Variants in CCBE1 observed in about 807,000 individuals in gnomAD.
CCBE1 encodes the protein collagen and calcium-binding EGF domain-containing protein 1.
Under a neutral mutation model 50.0 loss-of-function variants are expected in CCBE1, and 37 were observed. That is an observed-to-expected ratio of 0.74 (90% confidence interval 0.57 to 0.97). CCBE1 has a LOEUF of 0.97. Among genes scored for constraint, CCBE1 ranks in the 50% least tolerant of loss-of-function variants. The probability of loss-of-function intolerance (pLI) is 0.00; values close to 1 mark genes in which losing one functional copy is unlikely to be tolerated. For synonymous variants in CCBE1, 234 were observed against 203.7 expected, an observed-to-expected ratio of 1.15 and a Z score of -1.27; for missense variants, 538 against 523.8, an observed-to-expected ratio of 1.03 and a Z score of -0.26.
intron 7 of CCBE1, among the ~76,000 whole-genome samples, chr18:59,443,194 G>T (rs1443247365): frequency 2.0e-5 from 3 of 152,330 alleles, no homozygotes; most frequent in East Asian, 3.9e-4. Context: ...AACACAGAGA[G>T]TTGTAAACAG....
chr18:59,594,730 C>A (rs1296994032), intron 2 of CCBE1, among the ~76,000 whole-genome samples: 1 of 152,130 alleles, frequency 6.6e-6, no homozygotes, highest in East Asian at 1.9e-4. Context: ...AACAGTACAT[C>A]TTTAACCCGA....
At chr18:59,576,394 G>C (rs1451956679) in intron 2 of CCBE1, among the ~76,000 whole-genome samples, 10 of 152,178 alleles carry the variant, frequency 6.6e-5, no homozygotes, top group Non-Finnish European at 1.5e-4. Flanking sequence ...TTTTAAAGTA[G>C]CTCATTACAC....
At chr18:59,472,298 C>T (rs1311035843) in intron 3 of CCBE1, among the ~76,000 whole-genome samples, 1 of 152,312 alleles carries the variant, frequency 6.6e-6, no homozygotes, top group East Asian at 1.9e-4. Context: ...GCAGTTGTTA[C>T]CTCAATGATA....
chr18:59,461,886 C>G (rs1021891290), intron 5 of CCBE1, among the ~76,000 whole-genome samples: 4 of 151,978 alleles, frequency 2.6e-5, no homozygotes, highest in Non-Finnish European at 5.9e-5. Flanking sequence ...GCGCCTGCCA[C>G]CACGCCCAGC....
chr18:59,576,503 T>C (rs1488566265), intron 2 of CCBE1, among the ~76,000 whole-genome samples: 1 of 152,218 alleles, frequency 6.6e-6, no homozygotes, highest in Non-Finnish European at 1.5e-5. Flanking sequence ...CTAAGACTTG[T>C]GAAAAACCTA....
intron 2 of CCBE1, among the ~76,000 whole-genome samples, chr18:59,562,725 C>A (rs906125790): frequency 7.2e-5 from 11 of 152,326 alleles, no homozygotes; most frequent in South Asian, 4.1e-4. Flanking sequence ...TACTGGCACA[C>A]CCCCTCATCT....
chr18:59,455,153 G>A, intron 5 of CCBE1: 1 of 668,258 alleles, frequency 1.5e-6, no homozygotes, highest in South Asian at 1.5e-5. Flanking sequence ...GAGGGAGAGG[G>A]GCCCTGCTAG....
intron 5 of CCBE1, among the ~76,000 whole-genome samples, chr18:59,455,925 A>C (rs1198544515): frequency 6.6e-6 from 1 of 151,376 alleles, no homozygotes; most frequent in African/African-American, 2.5e-5. Flanking sequence ...AACCACGACT[A>C]TCTAGAACGC....
chr18:59,596,654 G>T (rs1342096811), intron 2 of CCBE1, among the ~76,000 whole-genome samples: 1 of 152,148 alleles, frequency 6.6e-6, no homozygotes, highest in Non-Finnish European at 1.5e-5. Context: ...GCTGAGAAGA[G>T]AGCTCATATC....
At chr18:59,461,573 A>G (rs1476551754) in intron 5 of CCBE1, among the ~76,000 whole-genome samples, 1 of 152,132 alleles carries the variant, frequency 6.6e-6, no homozygotes, top group Non-Finnish European at 1.5e-5. Context: ...AATTCAGTGG[A>G]GACAAATTAC....
intron 3 of CCBE1, among the ~76,000 whole-genome samples, chr18:59,476,262 C>A (rs1912301079): frequency 6.6e-6 from 1 of 152,220 alleles, no homozygotes; most frequent in Non-Finnish European, 1.5e-5. Context: ...ACAGTACAAG[C>A]TTTACCTGCT....
Position 59,448,012 on chromosome 18 carries a change from G to A in CCBE1, c.746C>T (p.Pro249Leu), listed in dbSNP as rs751284637. The A allele has an allele frequency of 6.2e-7, 1 of 1,614,222 alleles. No individual in the cohort carries two copies. Among genetic ancestry groups the A allele is most frequent in the Non-Finnish European group, 8.5e-7 (1 of 1,180,038 alleles). ...LASNTYLPGP[P>L]GLPGGQGPPG... ...AGGGCCCTGGCCCCCAGGCAGGCCA[G>A]GAGGTCCTGGAAGGTAGGTGTTTGA... Residue 249 changes from proline to leucine, a missense_variant, in exon 7 of 11, where the codon CCT becomes CTT. By Grantham distance (98) the Pro-to-Leu change is moderately conservative. Coordinates refer to ENST00000439986, the MANE Select transcript of CCBE1 (RefSeq NM_133459.4).
At chr18:59,492,798 G>T (rs958402484) in intron 2 of CCBE1, among the ~76,000 whole-genome samples, 2 of 152,240 alleles carry the variant, frequency 1.3e-5, no homozygotes, top group Non-Finnish European at 2.9e-5. Context: ...CAGAGTCAGT[G>T]CACCTAAAGA....
intron 2 of CCBE1, among the ~76,000 whole-genome samples, chr18:59,578,813 AG>A (rs1444062133): frequency 6.6e-5 from 10 of 152,278 alleles, no homozygotes; most frequent in Admixed American, 1.3e-4. Flanking sequence ...GGGGGTGGCT[AG>A]GGGAGGGATA....
intron 2 of CCBE1, among the ~76,000 whole-genome samples, chr18:59,616,144 C>T (rs1432477316): frequency 1.3e-5 from 2 of 152,140 alleles, no homozygotes; most frequent in African/African-American, 4.8e-5. Flanking sequence ...CAAGAACCCT[C>T]CAGAGCTGCA....
intron 2 of CCBE1, among the ~76,000 whole-genome samples, chr18:59,496,631 C>A (rs1228479347): frequency 6.6e-6 from 1 of 152,172 alleles, no homozygotes; most frequent in Non-Finnish European, 1.5e-5. Context: ...TGAAAATATT[C>A]AACTTTATTT....
chr18:59,488,440 G>A (rs949682111), intron 2 of CCBE1, among the ~76,000 whole-genome samples: 4 of 152,154 alleles, frequency 2.6e-5, no homozygotes, highest in Non-Finnish European at 5.9e-5. Flanking sequence ...CCTGGTCATG[G>A]TATCATCTGG....
chr18:59,531,383 C>G (rs1915042606), intron 2 of CCBE1, among the ~76,000 whole-genome samples: 1 of 151,890 alleles, frequency 6.6e-6, no homozygotes, highest in Non-Finnish European at 1.5e-5. Flanking sequence ...GTCTTATGGG[C>G]TATCAAAGCA....
chr18:59,670,126 AG>A (rs2054412018), intron 2 of CCBE1, among the ~76,000 whole-genome samples: 1 of 141,300 alleles, frequency 7.1e-6, no homozygotes. Flanking sequence ...AGAAAGCAGG[AG>A]GGGGTGGGGG....
Sources: allele counts gnomAD v4.1 joint callset (sites outside exome capture counted in the v4.1 genomes callset), GRCh38; gene constraint gnomAD v4.1.1; transcripts MANE v1.5; gene names NCBI Gene and HGNC (gene_info 2026-07-23, HGNC 2026-07-21).